Variants in SFTPC observed in about 807,000 individuals in gnomAD.
The protein encoded by SFTPC is BRICHOS domain containing 6.
A neutral mutation model predicts 19.9 loss-of-function variants in SFTPC; 12 were observed. The ratio of observed to expected loss-of-function variants is 0.60; its 90% CI spans 0.39 to 0.98. The LOEUF (loss-of-function observed/expected upper bound fraction) is 0.98, where lower values mean the gene tolerates loss of function less well. Ranked by LOEUF, SFTPC falls within the 50% of genes least tolerant of loss-of-function variation. The pLI is 0.00. For missense variants in SFTPC, 219 were observed against 252.2 expected, an observed-to-expected ratio of 0.87 and a Z score of 0.89; for synonymous variants, 123 against 103.3, an observed-to-expected ratio of 1.19 and a Z score of -1.16.
Position 22,164,285 on chromosome 8 carries a change from G to A in SFTPC, c.*38G>A. The stretch of plus-strand genomic sequence containing the variant: ...TCACAGGGTCAGTGGAAGCCCCAAC[G>A]GGAAAGGAAACGCCCCGGGCAAAGG... On this transcript the variant is annotated 3_prime_UTR_variant, in exon 6 of 6. Coordinates refer to ENST00000679463, the MANE Select transcript of SFTPC (RefSeq NM_001317778.2). 1 of 1,536,182 alleles carries A rather than the reference G, an allele frequency of 6.5e-7. No individual in the cohort carries two copies. The highest frequency in any genetic ancestry group is 8.7e-7 in the Non-Finnish European group (1 of 1,146,904).
Position 22,162,606 on chromosome 8 carries a change from C to T in SFTPC, c.75C>T (p.Gly25=). The T allele has an allele frequency of 6.2e-7, 1 of 1,614,152 alleles. No homozygotes were observed. Among genetic ancestry groups the T allele is most frequent in the Non-Finnish European group, 8.5e-7 (1 of 1,180,016 alleles). The change falls in exon 2 of 6, where the codon GGC becomes GGT. Residue 25 remains glycine (G), a synonymous_variant. Coordinates refer to ENST00000679463, the MANE Select transcript of SFTPC (RefSeq NM_001317778.2). ...CCGCAGCTCCCCGGGGCCGATTTGG[C>T]ATTCCCTGCTGCCCAGTGCACCTGA... ...DYSAAPRGRF[G]IPCCPVHLKR...
At chr8:22,159,902 G>A (rs1256665257), upstream of SFTPC, 2 of 1,073,450 alleles carry the variant, frequency 1.9e-6, no homozygotes, top group East Asian at 1.2e-4. Flanking sequence ...ATGGGGGCGG[G>A]AGTAAGGGCC....
In SFTPC at chr8:22,162,708, C is replaced by T; in HGVS notation, c.177C>T (p.His59=). 6.2e-7 allele frequency: 1 copy of T among 1,614,212 alleles called. No individual in the cohort carries two copies. ...VIVGALLMGL[H]MSQKHTEMVL... The stretch of plus-strand genomic sequence containing the variant: ...TGGGAGCCCTGCTCATGGGTCTCCA[C>T]ATGAGCCAGAAACACACGGAGATGG... Residue 59 remains histidine, a synonymous_variant, in exon 2 of 6, where the codon CAC becomes CAT. Transcript: ENST00000679463.
At chr8:22,162,467 G>A (rs1046981463) in intron 1 of SFTPC, 107 bp from the exon 2 acceptor site, 103 of 1,270,864 alleles carry the variant, frequency 8.1e-5, no homozygotes, top group Non-Finnish European at 1.1e-4. Context: ...CATCGCATCG[G>A]CTGTCCAGCC....
chr8:22,161,608 G>A (rs1449888807), upstream of SFTPC: 3 of 1,437,666 alleles, frequency 2.1e-6, no homozygotes, highest in East Asian at 7.3e-5. Flanking sequence ...GGGGCCAAGA[G>A]GACTCATGTG....
At chr8:22,158,511 A>T (rs1040563032), upstream of SFTPC, 1 of 152,328 alleles carries the variant, frequency 6.6e-6, no homozygotes, top group African/African-American at 2.4e-5. Context: ...GGGGCTGTCC[A>T]TCACTCAGGG....
At chr8:22,159,819 G>C (rs529300779), upstream of SFTPC, 11 of 1,289,268 alleles carry the variant, frequency 8.5e-6, no homozygotes, top group Non-Finnish European at 1.1e-5. Context: ...TGGCTCTCCC[G>C]CTGGCCAGCT....
Position 22,162,672 on chromosome 8 carries a change from C to T in SFTPC, c.141C>T (p.Val47=), listed in dbSNP as rs764818190. ...LIVVVVVVLI[V]VVIVGALLMG... is the part of the protein sequence containing the mutation. ...TGGTGGTGGTGGTGGTCCTCATCGT[C>T]GTGGTGATTGTGGGAGCCCTGCTCA... is the stretch of plus-strand genomic sequence containing the variant. Residue 47 remains valine, a synonymous_variant, in exon 2 of 6, where the codon GTC becomes GTT. Coordinates refer to ENST00000679463, the MANE Select transcript of SFTPC (RefSeq NM_001317778.2). 11 of 1,614,080 alleles carry T rather than the reference C, an allele frequency of 6.8e-6. No individual in the cohort carries two copies. The highest frequency in any genetic ancestry group is 6.7e-5 in the African/African-American group (5 of 74,922).
upstream of SFTPC, chr8:22,157,704 G>C (rs1259600758): frequency 6.6e-6 from 1 of 152,140 alleles, no homozygotes; most frequent in Non-Finnish European, 1.5e-5. Flanking sequence ...ATATTGTTAA[G>C]ACATGATTTG....
intron 4 of SFTPC, 29 bp downstream of exon 4, chr8:22,163,575 C>A: frequency 6.8e-7 from 1 of 1,473,364 alleles, no homozygotes; most frequent in African/African-American, 1.4e-5. Flanking sequence ...AAAGAGTGGG[C>A]TGTCTCCCTC....
intron 2 of SFTPC, 105 bp downstream of exon 2, chr8:22,162,837 G>C: frequency 1.4e-6 from 2 of 1,475,236 alleles, no homozygotes; most frequent in Non-Finnish European, 1.9e-6. Context: ...AGGGGAGGAG[G>C]CAAGGGGCAC....
intron 2 of SFTPC, 139 bp from the exon 3 acceptor site, chr8:22,162,941 G>A: frequency 7.2e-7 from 1 of 1,392,920 alleles, no homozygotes; most frequent in Non-Finnish European, 1.0e-6. Flanking sequence ...GCTCCCTCCA[G>A]CACCTGGTTC....
chr8:22,162,664 C>T lies in SFTPC; in HGVS notation c.133C>T (p.Leu45Phe). The T allele has an allele frequency of 6.2e-7, 1 of 1,614,172 alleles. No individual in the cohort carries two copies. Among genetic ancestry groups the T allele is most frequent in the Non-Finnish European group, 8.5e-7 (1 of 1,180,030 alleles). ...RLLIVVVVVV[L>F]IVVVIVGALL... Reference sequence around the variant, plus strand: ...TCTTATCGTGGTGGTGGTGGTGGTCCTCATCGTCGTGGTGATTGTGGGAGC... The same window carrying T: ...TCTTATCGTGGTGGTGGTGGTGGTCTTCATCGTCGTGGTGATTGTGGGAGC... The change falls in exon 2 of 6, where the codon CTC becomes TTC. Residue 45 changes from leucine to phenylalanine, a missense_variant. By Grantham distance (22) the Leu-to-Phe change is conservative. Coordinates refer to ENST00000679463, the MANE Select transcript of SFTPC (RefSeq NM_001317778.2).
chr8:22,163,016 G>T, intron 2 of SFTPC, 64 bp from the exon 3 acceptor site: 1 of 1,607,476 alleles, frequency 6.2e-7, no homozygotes. Context: ...CCTGAGTATG[G>T]GGATGGGTAC....
intron 5 of SFTPC, 100 bp from the exon 6 acceptor site, chr8:22,164,166 G>C: frequency 6.5e-7 from 1 of 1,546,044 alleles, no homozygotes; most frequent in Non-Finnish European, 8.7e-7. Flanking sequence ...CCACTGAAGC[G>C]GGGTCATCCA....
At position 22,163,453 on chromosome 8, in the gene SFTPC, G is replaced by A. The variant is rs1318655449; in HGVS notation, c.342G>A (p.Lys114=). The change falls in exon 4 of 6, where the codon AAG becomes AAA. Residue 114 remains lysine, a synonymous_variant. Coordinates refer to ENST00000679463, the MANE Select transcript of SFTPC (RefSeq NM_001317778.2). ...GTGCCTAGCTGCTGATCGCCTACAA[G>A]CCAGCCCCTGGCACCTGCTGCTACA... ...YDYQQLLIAY[K]PAPGTCCYIM... is the part of the protein sequence containing the mutation. 1 of 1,613,972 alleles carries A rather than the reference G, an allele frequency of 6.2e-7. No individual in the cohort carries two copies. Among genetic ancestry groups the A allele is most frequent in the Non-Finnish European group, 8.5e-7 (1 of 1,179,946 alleles).
intron 2 of SFTPC, 27 bp from the exon 3 acceptor site, chr8:22,163,053 C>G: frequency 6.2e-7 from 1 of 1,613,594 alleles, no homozygotes; most frequent in Non-Finnish European, 8.5e-7. Flanking sequence ...AAGGGGAAGA[C>G]CAGGTGGCTC....
chr8:22,158,340 A>G (rs8192306), upstream of SFTPC, among the ~76,000 whole-genome samples: 43,981 of 152,068 alleles, frequency 0.29, 7,125 homozygotes, highest in African/African-American at 0.42. Flanking sequence ...GGAAGCAGTG[A>G]GGGTAGGGAG....
chr8:22,164,422 C>A lies in SFTPC; in HGVS notation c.*175C>A. 6.7e-7 allele frequency: 1 copy of A among 1,496,180 alleles called. No individual in the cohort carries two copies. Among genetic ancestry groups the A allele is most frequent in the Non-Finnish European group, 8.9e-7 (1 of 1,129,834 alleles). 92.7% of individuals were successfully genotyped at this position (1,496,180 alleles called of 1,614,324 possible). ...AGGATGGGAGTGGGCAGAGGTGGCGCCCAGGGGCCCGGGAACTCCTGCCAC... is the reference window on the plus strand; with the variant it reads ...AGGATGGGAGTGGGCAGAGGTGGCGACCAGGGGCCCGGGAACTCCTGCCAC... On this transcript the variant is annotated 3_prime_UTR_variant, in exon 6 of 6. Transcript: ENST00000679463.
Sources: allele counts gnomAD v4.1 joint callset (sites outside exome capture counted in the v4.1 genomes callset), GRCh38; gene constraint gnomAD v4.1.1; transcripts MANE v1.5; gene names NCBI Gene and HGNC (gene_info 2026-07-23, HGNC 2026-07-21).